FBN2: variants seen among roughly 807,000 people sequenced by gnomAD.
FBN2 encodes fibrillin-2.
A neutral mutation model predicts 355.6 loss-of-function variants in FBN2; 105 were observed. The observed-to-expected ratio is 0.30, with a 90% CI of 0.25 to 0.35. The LOEUF is 0.35. Ranked by LOEUF, FBN2 falls within the 10% of genes least tolerant of loss-of-function variation. The pLI, the probability that FBN2 is intolerant of heterozygous loss-of-function variation, is 1.00. For synonymous variants in FBN2, 1,350 were observed against 1,301.2 expected (o/e 1.04, Z -0.81); for missense variants, 3,280 against 3,758.7 (o/e 0.87, Z 3.33).
chr5:128,309,180 T>G (rs1749965461), intron 41 of FBN2, 67 bp downstream of exon 41: 2 of 1,544,376 alleles, frequency 1.3e-6, no homozygotes, highest in African/African-American at 1.4e-5. Flanking sequence ...TGACTTTGAC[T>G]ATACTGTTAG....
intron 43 of FBN2, 87 bp downstream of exon 43, chr5:128,305,735 GA>G: frequency 1.9e-6 from 3 of 1,598,536 alleles, no homozygotes; most frequent in Non-Finnish European, 2.6e-6. Flanking sequence ...AAAAATTGTA[GA>G]AGAAATAGTA....
At chr5:128,357,170 T>A (rs1200504556) in intron 20 of FBN2, 106 bp downstream of exon 20, 1 of 1,399,610 alleles carries the variant, frequency 7.1e-7, no homozygotes, top group Non-Finnish European at 1.0e-6. Context: ...AATGTGTAAT[T>A]CTTTGCTTTT....
chr5:128,268,417 T>A (rs1029734369), intron 62 of FBN2, among the ~76,000 whole-genome samples: 1 of 152,070 alleles, frequency 6.6e-6, no homozygotes, highest in African/African-American at 2.4e-5. Flanking sequence ...CAGGACCAGA[T>A]GGATTCTCAG....
At chr5:128,263,375 A>C (rs1765026650) in intron 63 of FBN2, 50 bp downstream of exon 63, 1 of 1,414,500 alleles carries the variant, frequency 7.1e-7, no homozygotes, top group Admixed American at 1.7e-5. Context: ...GCCTGAACTC[A>C]CTCAGGAACC....
chr5:128,271,855 C>T (rs1248467650), intron 62 of FBN2, 144 bp downstream of exon 62: 4 of 918,064 alleles, frequency 4.4e-6, no homozygotes, highest in East Asian at 4.8e-5. Context: ...CAGAATGAGT[C>T]CCCATGCATC....
Position 128,282,854 on chromosome 5 carries a change from A to T in FBN2, c.7013-2537T>A, listed in dbSNP as rs191809082. On this transcript the variant is annotated intron_variant, in intron 55 of 64. Coordinates refer to ENST00000262464, the MANE Select transcript of FBN2 (RefSeq NM_001999.4). ...CCCTACTTCTACCTACTCTATGTCCAATCCAGTGCAGCATGACAGCCTAGA... is the reference window on the plus strand; with the variant it reads ...CCCTACTTCTACCTACTCTATGTCCTATCCAGTGCAGCATGACAGCCTAGA... Among the ~76,000 whole-genome samples, 190 of 152,276 alleles carry T rather than the reference A, an allele frequency of 1.2e-3. 3 individuals carry two copies. In the Middle Eastern group the frequency reaches 0.014, roughly 11 times the overall value.
intron 48 of FBN2, among the ~76,000 whole-genome samples, chr5:128,294,621 CTGCAT>C (rs1749447232): frequency 6.8e-6 from 1 of 147,500 alleles, no homozygotes; most frequent in Admixed American, 6.7e-5. Context: ...TGTTTTTTGG[CTGCAT>C]AAATGTCTTC....
rs141575962 is a variant in FBN2 at position 128,376,836 on chromosome 5, T to C, written c.1867A>G (p.Thr623Ala). Reference protein sequence around the residue: ...KNCVDHDECTTTNMCLNGMCI... With the variant: ...KNCVDHDECTATNMCLNGMCI... ...ATTCCATTCAAACACATGTTGGTAGTTGTACATTCATCATGATCTGCAGAA... is the reference window on the plus strand; with the variant it reads ...ATTCCATTCAAACACATGTTGGTAGCTGTACATTCATCATGATCTGCAGAA... The change falls in exon 14 of 65, where the codon ACT (threonine) becomes GCT (alanine). Residue 623 changes from threonine to alanine, a missense_variant. By Grantham distance (58) the Thr-to-Ala change is moderately conservative. This residue lies in a region of FBN2 where 2,284 missense variants were observed against 2,749.5 expected (regional missense o/e 0.83). Coordinates refer to ENST00000262464, the MANE Select transcript of FBN2 (RefSeq NM_001999.4). The C allele has an allele frequency of 1.4e-5, 23 of 1,613,462 alleles. No homozygotes were observed. The highest frequency in any genetic ancestry group is 1.9e-5 in the Non-Finnish European group (23 of 1,179,618).
At chr5:128,416,594 A>G (rs1210300171) in intron 7 of FBN2, among the ~76,000 whole-genome samples, 1 of 152,178 alleles carries the variant, frequency 6.6e-6, no homozygotes, top group African/African-American at 2.4e-5. Context: ...GTATATGGTG[A>G]GAGACAGGGG....
At chr5:128,348,066 C>T (rs184878562) in intron 23 of FBN2, among the ~76,000 whole-genome samples, 58 of 152,226 alleles carry the variant, frequency 3.8e-4, no homozygotes, top group African/African-American at 1.3e-3. Context: ...GGATTACAGG[C>T]GTAAGCCACC....
At chr5:128,448,290 C>A (rs568249359) in intron 6 of FBN2, among the ~76,000 whole-genome samples, 7 of 152,110 alleles carry the variant, frequency 4.6e-5, no homozygotes, top group African/African-American at 4.8e-5. Flanking sequence ...ATATTACTAT[C>A]CAATATCCTA....
At chr5:128,373,411 TTGAC>T (rs1423297399) in intron 15 of FBN2, among the ~76,000 whole-genome samples, 3 of 152,228 alleles carry the variant, frequency 2.0e-5, no homozygotes, top group Non-Finnish European at 2.9e-5. Context: ...AAATAAATCT[TTGAC>T]TGGATAGAGT....
intron 7 of FBN2, among the ~76,000 whole-genome samples, chr5:128,426,427 G>C (rs1753485265): frequency 6.6e-6 from 1 of 152,098 alleles, no homozygotes; most frequent in African/African-American, 2.4e-5. Flanking sequence ...AAAGTGTTTT[G>C]AATAGTTTCA....
intron 31 of FBN2, among the ~76,000 whole-genome samples, chr5:128,333,422 C>T (rs1485701995): frequency 6.6e-6 from 1 of 151,978 alleles, no homozygotes; most frequent in African/African-American, 2.4e-5. Flanking sequence ...GGTGCTATTC[C>T]TTCCTATTGA....
At chr5:128,296,434 C>T (rs1291667179) in intron 48 of FBN2, among the ~76,000 whole-genome samples, 1 of 151,798 alleles carries the variant, frequency 6.6e-6, no homozygotes, top group Non-Finnish European at 1.5e-5. Context: ...CCTTGTACCT[C>T]TGGTAGAATT....
chr5:128,401,429 A>T (rs1752795538), intron 8 of FBN2, among the ~76,000 whole-genome samples: 1 of 152,204 alleles, frequency 6.6e-6, no homozygotes, highest in Non-Finnish European at 1.5e-5. Context: ...ATATTAAATT[A>T]TCATAATGTG....
chr5:128,449,333 CG>C (rs1238363524), intron 6 of FBN2, among the ~76,000 whole-genome samples: 1 of 143,200 alleles, frequency 7.0e-6, no homozygotes, highest in Non-Finnish European at 1.5e-5. Flanking sequence ...ATATAGTATA[CG>C]TATAATTACA....
At chr5:128,495,727 A>C (rs1413227612) in intron 5 of FBN2, among the ~76,000 whole-genome samples, 1 of 152,160 alleles carries the variant, frequency 6.6e-6, no homozygotes, top group Non-Finnish European at 1.5e-5. Context: ...TCTGGCAGAT[A>C]AAGTTGGCAA....
chr5:128,351,071 A>C, intron 20 of FBN2, 66 bp from the exon 21 acceptor site: 1 of 1,578,044 alleles, frequency 6.3e-7, no homozygotes, highest in Non-Finnish European at 8.7e-7. Flanking sequence ...AGCTGTGTAC[A>C]CAAAAGGCAT....
Sources: gnomAD v4.1 joint callset for allele counts (sites outside exome capture counted in the v4.1 genomes callset) on GRCh38, gnomAD v4.1.1 for gene constraint, gnomAD v4.1.1 regional missense constraint, MANE v1.5 for transcripts, NCBI Gene and HGNC (gene_info 2026-07-23, HGNC 2026-07-21) for gene names.